Variants in PDE3B observed in about 807,000 individuals in gnomAD.
The protein encoded by PDE3B is cGMP-inhibited 3',5'-cyclic phosphodiesterase 3B.
In PDE3B, 66 loss-of-function variants were observed where a neutral mutation model predicts 116.8. That is an observed-to-expected ratio of 0.56 (90% CI 0.46 to 0.69). The LOEUF (loss-of-function observed/expected upper bound fraction) is 0.69. PDE3B is among the 30% of genes least tolerant of loss of function. The pLI is 0.00. For synonymous variants in PDE3B, 595 were observed against 533.6 expected, an observed-to-expected ratio of 1.12 and a Z score of -1.59; for missense variants, 1,384 against 1,368.1, an observed-to-expected ratio of 1.01 and a Z score of -0.18.
In PDE3B at chr11:14,644,715, C is replaced by G. The variant is rs1853328970; in HGVS notation, c.640C>G (p.Leu214Val). 2 of 1,539,812 alleles carry G rather than the reference C, an allele frequency of 1.3e-6. No individual in the cohort carries two copies. Among genetic ancestry groups the G allele is most frequent in the East Asian group, 4.7e-5 (2 of 42,302 alleles). Residue 214 changes from leucine to valine, a missense_variant, in exon 1 of 16, where the codon CTG (leucine) becomes GTG (valine). Transcript: ENST00000282096. ...VGLLLTLAHP[L>V]RLRHCVLVLL... ...GCTGCTGCTGACGCTCGCGCACCCG[C>G]TGCGGCTCCGGCACTGCGTTCTGGT...
intron 1 of PDE3B, among the ~76,000 whole-genome samples, chr11:14,762,325 T>A (rs188145972): frequency 6.6e-6 from 1 of 152,320 alleles, no homozygotes; most frequent in East Asian, 1.9e-4. Context: ...AATGCATATT[T>A]TAAGTGCTGC....
intron 11 of PDE3B, among the ~76,000 whole-genome samples, chr11:14,839,890 C>T (rs1304026198): frequency 1.3e-5 from 2 of 152,130 alleles, no homozygotes; most frequent in East Asian, 3.9e-4. Context: ...ATTCAGAGAT[C>T]TGTCATATCA....
chr11:14,722,416 A>C (rs565102217), intron 1 of PDE3B, among the ~76,000 whole-genome samples: 132 of 152,314 alleles, frequency 8.7e-4, no homozygotes, highest in Admixed American at 2.2e-3. Flanking sequence ...AATCCAATAA[A>C]AAAATAACAT....
chr11:14,878,856 C>A, the PDE3B span, among the ~76,000 whole-genome samples: 1 of 152,140 alleles, frequency 6.6e-6, no homozygotes, highest in African/African-American at 2.4e-5. Flanking sequence ...TCTCATTCCA[C>A]AAGTTTTGAA....
the PDE3B span, among the ~76,000 whole-genome samples, chr11:14,877,172 G>A: frequency 6.6e-6 from 1 of 151,970 alleles, no homozygotes; most frequent in East Asian, 1.9e-4. Flanking sequence ...GTTTGTTTAG[G>A]GCAGTCATAA....
chr11:14,807,383 G>A (rs1044905482), intron 5 of PDE3B, among the ~76,000 whole-genome samples: 12 of 152,166 alleles, frequency 7.9e-5, no homozygotes, highest in African/African-American at 2.2e-4. Context: ...TAAATTTGTC[G>A]TAAGGTACTA....
rs1555008717 is a variant in PDE3B at position 14,869,642 on chromosome 11, G to A, written c.3321G>A (p.Glu1107=). ...PQADEIQVIE[E]ADEEE is the part of the protein sequence containing the mutation. ...CAGATGAGATTCAGGTAATTGAAGA[G>A]GCAGATGAAGAGGAATAGCGACAGT... Residue 1107 remains glutamate, a synonymous_variant, in exon 16 of 16, where the codon GAG becomes GAA. Coordinates refer to ENST00000282096, the MANE Select transcript of PDE3B (RefSeq NM_000922.4). 1 of 1,613,546 alleles carries A rather than the reference G, an allele frequency of 6.2e-7. No individual in the cohort carries two copies. The highest frequency in any genetic ancestry group is 8.5e-7 in the Non-Finnish European group (1 of 1,179,832).
intron 2 of PDE3B, among the ~76,000 whole-genome samples, chr11:14,784,997 A>G (rs1358433509): frequency 6.6e-6 from 1 of 152,148 alleles, no homozygotes; most frequent in East Asian, 1.9e-4. Flanking sequence ...TAGAATCACA[A>G]TAATCAGAGA....
intron 1 of PDE3B, among the ~76,000 whole-genome samples, chr11:14,657,956 T>G (rs755505046): frequency 6.6e-6 from 1 of 152,164 alleles, no homozygotes; most frequent in African/African-American, 2.4e-5. Flanking sequence ...ATAGTTTTGC[T>G]TTCTAATACC....
intron 12 of PDE3B, among the ~76,000 whole-genome samples, chr11:14,847,931 C>T (rs1847648257): frequency 6.6e-6 from 1 of 152,124 alleles, no homozygotes; most frequent in Non-Finnish European, 1.5e-5. Flanking sequence ...TGGTACCATT[C>T]CTTCTGAAAC....
chr11:14,843,073 G>C (rs1847508989), intron 11 of PDE3B, among the ~76,000 whole-genome samples: 1 of 151,936 alleles, frequency 6.6e-6, no homozygotes, highest in Non-Finnish European at 1.5e-5. Context: ...ACTTTTTAAA[G>C]GTTTCTTTTG....
intron 5 of PDE3B, among the ~76,000 whole-genome samples, chr11:14,804,846 A>G (rs925590866): frequency 1.3e-5 from 2 of 152,164 alleles, no homozygotes; most frequent in Admixed American, 6.5e-5. Context: ...AAAGAAATGG[A>G]CAGTCTAGAA....
At chr11:14,655,319 C>G (rs1038396273) in intron 1 of PDE3B, among the ~76,000 whole-genome samples, 1 of 152,120 alleles carries the variant, frequency 6.6e-6, no homozygotes, top group Non-Finnish European at 1.5e-5. Flanking sequence ...ACATAAATGT[C>G]TATGTCTATA....
chr11:14,782,168 C>G (rs985657350), intron 2 of PDE3B, among the ~76,000 whole-genome samples: 6 of 149,624 alleles, frequency 4.0e-5, no homozygotes, highest in African/African-American at 1.2e-4. Context: ...AGGACACAAA[C>G]AAGTGACAAT....
At chr11:14,759,133 G>A (rs968589247) in intron 1 of PDE3B, among the ~76,000 whole-genome samples, 3 of 152,082 alleles carry the variant, frequency 2.0e-5, no homozygotes, top group Admixed American at 6.5e-5. Context: ...TGATCATGGT[G>A]GATAAGCTTT....
At chr11:14,880,509 G>A in the PDE3B span, 3 of 1,613,384 alleles carry the variant, frequency 1.9e-6, no homozygotes, top group Admixed American at 1.7e-5. Context: ...ACTCAATCAT[G>A]TGCTGAAAAT....
chr11:14,694,230 A>C (rs1448355937), intron 1 of PDE3B, among the ~76,000 whole-genome samples: 1 of 152,174 alleles, frequency 6.6e-6, no homozygotes, highest in Non-Finnish European at 1.5e-5. Context: ...TGTTGAAATG[A>C]CAACAATGGG....
intron 1 of PDE3B, among the ~76,000 whole-genome samples, chr11:14,751,908 G>A (rs1234939878): frequency 1.3e-5 from 2 of 152,144 alleles, no homozygotes; most frequent in Non-Finnish European, 2.9e-5. Flanking sequence ...GGCTGAGTGG[G>A]ACATTGTAGT....
chr11:14,853,272 T>C (rs1189743656), intron 12 of PDE3B, among the ~76,000 whole-genome samples: 12 of 152,246 alleles, frequency 7.9e-5, no homozygotes, highest in African/African-American at 2.7e-4. Context: ...TTATGTACTT[T>C]GTTTTTTATA....
Sources: allele counts gnomAD v4.1 joint callset (sites outside exome capture counted in the v4.1 genomes callset), GRCh38; gene constraint gnomAD v4.1.1; transcripts MANE v1.5; gene names NCBI Gene and HGNC (gene_info 2026-07-23, HGNC 2026-07-21).